PTPRR: variants seen among roughly 807,000 people sequenced by gnomAD.
PTPRR encodes protein tyrosine phosphatase receptor type R.
Under a neutral mutation model 77.2 loss-of-function variants are expected in PTPRR, and 38 were observed. The ratio of observed to expected loss-of-function variants is 0.49; its 90% CI spans 0.38 to 0.65. PTPRR has a LOEUF of 0.65. Ranked by LOEUF, PTPRR falls within the 30% of genes least tolerant of loss-of-function variation. PTPRR has a pLI of 0.00. For missense variants in PTPRR, 744 were observed against 799.2 expected, an observed-to-expected ratio of 0.93 and a Z score of 0.83; for synonymous variants, 299 against 283.1, an observed-to-expected ratio of 1.06 and a Z score of -0.57.
intron 2 of PTPRR, among the ~76,000 whole-genome samples, chr12:70,878,526 A>C (rs1176602682): frequency 6.6e-6 from 1 of 152,242 alleles, no homozygotes; most frequent in East Asian, 1.9e-4. Flanking sequence ...GCCATCAGAG[A>C]AATGCAAATC....
In PTPRR at chr12:70,685,045, G is replaced by A. The variant is rs114495721; in HGVS notation, c.1280-262C>T. 2.6e-3 allele frequency: 783 copies of A among 299,492 alleles called. 10 individuals are homozygous for A. The highest frequency in any genetic ancestry group is 0.016 in the African/African-American group (728 of 46,196). 18.6% of individuals were successfully genotyped at this position (299,492 alleles called of 1,614,324 possible). On this transcript the variant is annotated intron_variant, in intron 8 of 13. Transcript: ENST00000283228. ...CCATTTCTCATCTGTTCCGGTTCTC[G>A]ACCTCATTTCTCATTTTTGCGCCCA...
At chr12:70,827,754 G>A (rs1188151898) in intron 2 of PTPRR, among the ~76,000 whole-genome samples, 1 of 113,962 alleles carries the variant, frequency 8.8e-6, no homozygotes, top group Non-Finnish European at 1.6e-5. Context: ...GTCTTGCTCT[G>A]TTGTCCAGGC....
At chr12:70,648,963 G>C (rs570291578) in intron 13 of PTPRR, among the ~76,000 whole-genome samples, 27 of 152,198 alleles carry the variant, frequency 1.8e-4, no homozygotes, top group African/African-American at 6.5e-4. Context: ...TCTGCAATGA[G>C]AACTGAGCAT....
chr12:70,784,125 G>A (rs1891269377), intron 2 of PTPRR, among the ~76,000 whole-genome samples: 2 of 152,160 alleles, frequency 1.3e-5, no homozygotes, highest in Admixed American at 6.5e-5. Context: ...TCGGTGGAGC[G>A]GGAGGCCTAG....
intron 6 of PTPRR, among the ~76,000 whole-genome samples, chr12:70,734,969 T>C (rs1174787341): frequency 6.6e-6 from 1 of 152,242 alleles, no homozygotes; most frequent in Non-Finnish European, 1.5e-5. Context: ...ACCATTAATT[T>C]TCAGGCAGGT....
intron 3 of PTPRR, among the ~76,000 whole-genome samples, chr12:70,762,118 C>T (rs765425638): frequency 3.9e-5 from 6 of 152,156 alleles, no homozygotes; most frequent in Non-Finnish European, 7.4e-5. Context: ...CTTTGAAGTC[C>T]TTTTCCTGAT....
At chr12:70,806,197 C>T (rs1891706480) in intron 2 of PTPRR, among the ~76,000 whole-genome samples, 1 of 152,086 alleles carries the variant, frequency 6.6e-6, no homozygotes, top group African/African-American at 2.4e-5. Flanking sequence ...ATATTGGCTG[C>T]CTGTTTGGAA....
At chr12:70,752,611 C>CT (rs897475278) in intron 5 of PTPRR, among the ~76,000 whole-genome samples, 10 of 152,202 alleles carry the variant, frequency 6.6e-5, no homozygotes, top group Non-Finnish European at 5.9e-5. Context: ...GGGCATGACT[C>CT]TGCTTTCCCA....
chr12:70,647,888 T>C (rs1818483160), intron 13 of PTPRR, among the ~76,000 whole-genome samples: 1 of 152,238 alleles, frequency 6.6e-6, no homozygotes, highest in South Asian at 2.1e-4. Context: ...CTTATCATAT[T>C]CAGATATTAA....
chr12:70,793,787 T>C (rs899487675), intron 2 of PTPRR, among the ~76,000 whole-genome samples: 1 of 152,186 alleles, frequency 6.6e-6, no homozygotes, highest in African/African-American at 2.4e-5. Flanking sequence ...TCTTAAAATA[T>C]ATTTCAAGGG....
chr12:70,783,874 G>T (rs1891259862), intron 2 of PTPRR, among the ~76,000 whole-genome samples: 2 of 65,724 alleles, frequency 3.0e-5, no homozygotes, highest in East Asian at 6.8e-4. Flanking sequence ...GGGGGGGGGG[G>T]GCGGGGGGCG....
At chr12:70,669,005 A>G (rs1252730854) in intron 10 of PTPRR, among the ~76,000 whole-genome samples, 2 of 152,198 alleles carry the variant, frequency 1.3e-5, no homozygotes, top group Admixed American at 1.3e-4. Context: ...GTACCTATCA[A>G]TAAGGAAATG....
chr12:70,802,591 GAT>G (rs1421535052), intron 2 of PTPRR, among the ~76,000 whole-genome samples: 1 of 152,166 alleles, frequency 6.6e-6, no homozygotes, highest in African/African-American at 2.4e-5. Context: ...GATTTTTAGA[GAT>G]TATATTGTCT....
chr12:70,868,181 A>T (rs973819668), intron 2 of PTPRR, among the ~76,000 whole-genome samples: 8 of 152,192 alleles, frequency 5.3e-5, no homozygotes, highest in Non-Finnish European at 1.0e-4. Flanking sequence ...GACAAAATTG[A>T]CAAATGGGAT....
At chr12:70,838,797 A>G (rs2467003) in intron 2 of PTPRR, among the ~76,000 whole-genome samples, 102,650 of 151,894 alleles carry the variant, frequency 0.68, 35,853 homozygotes, top group African/African-American at 0.86. Flanking sequence ...AGCCAGGGGA[A>G]GATACACCTA....
At chr12:70,688,096 A>G (rs1333033796) in intron 8 of PTPRR, among the ~76,000 whole-genome samples, 1 of 152,170 alleles carries the variant, frequency 6.6e-6, no homozygotes, top group Non-Finnish European at 1.5e-5. Flanking sequence ...AGAACCTTGT[A>G]TCTTATTTTG....
chr12:70,808,989 T>C (rs1400308054), intron 2 of PTPRR, among the ~76,000 whole-genome samples: 2 of 152,164 alleles, frequency 1.3e-5, no homozygotes, highest in African/African-American at 4.8e-5. Flanking sequence ...GTGGAGATAG[T>C]ATAGGGAGAT....
intron 2 of PTPRR, among the ~76,000 whole-genome samples, chr12:70,775,189 A>G (rs1020902357): frequency 3.2e-5 from 4 of 124,962 alleles, no homozygotes; most frequent in Non-Finnish European, 6.4e-5. Flanking sequence ...ACAAATATAT[A>G]AACATACAGA....
chr12:70,771,009 TG>T (rs1231188437), intron 2 of PTPRR, among the ~76,000 whole-genome samples: 3 of 37,884 alleles, frequency 7.9e-5, no homozygotes, highest in East Asian at 8.9e-4. Context: ...TGTTGTGGGG[TG>T]GGGGGAGGGG....
Sources: gnomAD v4.1 joint callset for allele counts (sites outside exome capture counted in the v4.1 genomes callset) on GRCh38, gnomAD v4.1.1 for gene constraint, MANE v1.5 for transcripts, NCBI Gene and HGNC (gene_info 2026-07-23, HGNC 2026-07-21) for gene names.